Variants in UST observed in about 807,000 individuals in gnomAD.
The protein encoded by UST is chondroitin sulfate 2-O-sulfotransferase.
Under a neutral mutation model 45.6 loss-of-function variants are expected in UST, and 21 were observed. That is an observed-to-expected ratio of 0.46 (90% CI 0.33 to 0.66). UST has a LOEUF of 0.66. Ranked by LOEUF, UST falls within the 30% of genes least tolerant of loss-of-function variation. The probability of loss-of-function intolerance (pLI) is 0.02; values close to 1 mark genes in which losing one functional copy is unlikely to be tolerated. For synonymous variants in UST, 215 were observed against 200.6 expected (o/e 1.07, Z -0.61); for missense variants, 463 against 512.4 (o/e 0.90, Z 0.93).
rs1233796402 is a variant in UST, at chr6:148,748,043, G to A, written c.247+366G>A. Among the ~76,000 whole-genome samples the A allele has an allele frequency of 6.6e-6, 1 of 152,170 alleles. No individual in the cohort carries two copies. Among genetic ancestry groups the A allele is most frequent in the Non-Finnish European group, 1.5e-5 (1 of 68,010 alleles). On this transcript the variant is annotated intron_variant, in intron 1 of 7. Coordinates refer to ENST00000367463, the MANE Select transcript of UST (RefSeq NM_005715.3). The surrounding 1 kb of genome is among the most constrained non-coding windows in gnomAD (Gnocchi z 5.3). ...CTTCAGGCCTGGCGGCGCGGGGAGT[G>A]GCGAAGGGAAGGGAAGGTCCTCTTC...
chr6:148,992,509 C>T (rs781238855), intron 5 of UST, among the ~76,000 whole-genome samples: 20 of 152,046 alleles, frequency 1.3e-4, no homozygotes, highest in Non-Finnish European at 5.9e-5. Flanking sequence ...TAGAGTCCTG[C>T]CGGGGGTCTG....
At chr6:148,955,182 A>G (rs2114942422) in intron 4 of UST, among the ~76,000 whole-genome samples, 1 of 152,324 alleles carries the variant, frequency 6.6e-6, no homozygotes, top group East Asian at 1.9e-4. Flanking sequence ...AGCAGGCAAC[A>G]TCTGCTAGTT....
intron 5 of UST, among the ~76,000 whole-genome samples, chr6:148,987,095 CA>C (rs1424962445): frequency 3.0e-5 from 4 of 131,668 alleles, no homozygotes; most frequent in African/African-American, 1.0e-4. Context: ...TCAAGATGAC[CA>C]TTTAAGAGAA....
chr6:148,768,942 T>C (rs1051432681), intron 1 of UST, among the ~76,000 whole-genome samples: 10 of 152,248 alleles, frequency 6.6e-5, no homozygotes, highest in Non-Finnish European at 1.2e-4. Context: ...GAGAGAACTT[T>C]TGTCCCCACA....
rs1776778380 is a variant in UST, at chr6:148,788,574, C to A, written c.247+40897C>A. ...GCCGTTTGTACAGATCACTTATTATCCTCATATAATAATTTTCTGACACAT... is the reference window on the plus strand; with the variant it reads ...GCCGTTTGTACAGATCACTTATTATACTCATATAATAATTTTCTGACACAT... On this transcript the variant is annotated intron_variant, in intron 1 of 7. Transcript: ENST00000367463. Among the ~76,000 whole-genome samples the A allele has an allele frequency of 2.0e-5, 3 of 151,976 alleles. No individual in the cohort carries two copies. The South Asian group carries it at 6.2e-4, about 32-fold the overall frequency.
Position 148,989,517 on chromosome 6 carries a change from T to C in UST, c.681+24954T>C, listed in dbSNP as rs1046056394. ...AAGGAAAGCAAGAGGGATTTGCCTT[T>C]GTCCTTGTTCAGAGAAACTGAAAAC... On this transcript the variant is annotated intron_variant, in intron 5 of 7. Transcript: ENST00000367463. Among the ~76,000 whole-genome samples the C allele has an allele frequency of 3.3e-5, 5 of 152,354 alleles. No homozygotes were observed. In the East Asian group the frequency reaches 9.6e-4, roughly 29 times the overall value.
Position 149,073,996 on chromosome 6 carries a change from C to G in UST, c.1101C>G (p.His367Gln), listed in dbSNP as rs772324432. The change falls in exon 8 of 8, where the codon CAC becomes CAG. Residue 367 changes from histidine to glutamine, a missense_variant. Physicochemically the swap from His to Gln is conservative, Grantham distance 24. Around this residue, in one of 2 missense-constraint regions of UST, gnomAD observed 287 missense variants for 374.2 expected, o/e 0.77. Transcript: ENST00000367463. Reference protein sequence around the residue: ...LLKRKFGLKSHVSKPPLRPHF... With the variant: ...LLKRKFGLKSQVSKPPLRPHF... ...AGCGCAAGTTTGGACTTAAGTCTCA[C>G]GTCAGCAAGCCCCCCCTGAGGCCAC... is the stretch of plus-strand genomic sequence containing the variant. The G allele has an allele frequency of 5.0e-6, 8 of 1,614,078 alleles. No individual in the cohort carries two copies. Among genetic ancestry groups the G allele is most frequent in the Non-Finnish European group, 6.8e-6 (8 of 1,180,030 alleles).
intron 1 of UST, among the ~76,000 whole-genome samples, chr6:148,868,340 C>T (rs1778485271): frequency 6.6e-6 from 1 of 152,164 alleles, no homozygotes; most frequent in Non-Finnish European, 1.5e-5. Flanking sequence ...AACCAGAAAA[C>T]TTGACGTTTG....
chr6:149,040,661 ATTAG>A (rs1450146256), intron 7 of UST, among the ~76,000 whole-genome samples: 1 of 152,170 alleles, frequency 6.6e-6, no homozygotes, highest in Non-Finnish European at 1.5e-5. Context: ...TTCTCAATTA[ATTAG>A]TTAATTAATT....
chr6:148,768,422 A>G (rs1776358191), intron 1 of UST, among the ~76,000 whole-genome samples: 1 of 151,992 alleles, frequency 6.6e-6, no homozygotes, highest in Admixed American at 6.5e-5. Flanking sequence ...CTGGCTTTTT[A>G]TTTGTCCTTT....
chr6:148,994,947 TGTA>T lies in UST; in HGVS notation c.682-24189_682-24187del, dbSNP rs1458210090. Among the ~76,000 whole-genome samples, 2 of 152,158 alleles carry T rather than the reference TGTA, an allele frequency of 1.3e-5. 1 individual carries two copies. Among genetic ancestry groups the T allele is most frequent in the Admixed American group, 1.3e-4 (2 of 15,284 alleles). ...CCCTTACCTCTGCAGAATGCTATCTTGTAGTCTGTAAAGCATTTTCACATATTT... is the reference window on the plus strand; with the variant it reads ...CCCTTACCTCTGCAGAATGCTATCTTGTCTGTAAAGCATTTTCACATATTT... On this transcript the variant is annotated intron_variant, in intron 5 of 7. Transcript: ENST00000367463.
At chr6:149,057,350 G>A (rs566473174) in intron 7 of UST, among the ~76,000 whole-genome samples, 113 of 152,232 alleles carry the variant, frequency 7.4e-4, no homozygotes, top group Admixed American at 2.0e-3. Context: ...TTTTCAAAAG[G>A]CCCTGTGCAT....
chr6:148,977,293 A>G (rs1416560962), intron 5 of UST, among the ~76,000 whole-genome samples: 1 of 143,846 alleles, frequency 7.0e-6, no homozygotes, highest in Admixed American at 6.9e-5. Context: ...CATAATACAT[A>G]GTTTTATTAT....
chr6:149,041,218 C>T (rs772200653), intron 7 of UST, among the ~76,000 whole-genome samples: 3 of 152,212 alleles, frequency 2.0e-5, no homozygotes, highest in Admixed American at 6.5e-5. Context: ...TGCTGACTTC[C>T]TCCTTGCCTG....
chr6:148,821,765 C>A (rs1335538410), intron 1 of UST, among the ~76,000 whole-genome samples: 1 of 152,140 alleles, frequency 6.6e-6, no homozygotes, highest in African/African-American at 2.4e-5. Context: ...AGTTGGTATT[C>A]CACTGTGAAG....
intron 7 of UST, among the ~76,000 whole-genome samples, chr6:149,058,644 G>T (rs939548957): frequency 6.6e-6 from 1 of 152,014 alleles, no homozygotes; most frequent in Non-Finnish European, 1.5e-5. Context: ...TTCATAATAC[G>T]ATTTCAAATA....
At chr6:148,802,588 G>C (rs1441403187) in intron 1 of UST, among the ~76,000 whole-genome samples, 1 of 152,094 alleles carries the variant, frequency 6.6e-6, no homozygotes, top group Non-Finnish European at 1.5e-5. Flanking sequence ...CTCTCATGCT[G>C]TTTCCCTCTA....
At chr6:148,845,938 T>C (rs11155600) in intron 1 of UST, among the ~76,000 whole-genome samples, 40,264 of 126,748 alleles carry the variant, frequency 0.32, 7,559 homozygotes, top group East Asian at 0.81. Flanking sequence ...ATTAAAAAGT[T>C]AGGAAACAAC....
intron 7 of UST, among the ~76,000 whole-genome samples, chr6:149,035,376 T>C (rs1273853402): frequency 2.0e-5 from 3 of 152,198 alleles, no homozygotes; most frequent in African/African-American, 4.8e-5. Flanking sequence ...TGTACTGTTT[T>C]GGTTGGTTTG....
Sources: gnomAD v4.1 joint callset for allele counts (sites outside exome capture counted in the v4.1 genomes callset) on GRCh38, gnomAD v4.1.1 for gene constraint, gnomAD v4.1.1 regional missense constraint, Gnocchi (gnomAD v3.1) non-coding constraint, MANE v1.5 for transcripts, NCBI Gene and HGNC (gene_info 2026-07-23, HGNC 2026-07-21) for gene names.